LSM14A: variants seen among roughly 807,000 people sequenced by gnomAD.
The protein encoded by LSM14A is LSM14A mRNA processing body assembly factor.
A neutral mutation model predicts 52.4 loss-of-function variants in LSM14A; 14 were observed. The ratio of observed to expected loss-of-function variants is 0.27; its 90% confidence interval spans 0.18 to 0.42. The LOEUF is 0.42. Ranked by LOEUF, LSM14A falls within the 10% of genes least tolerant of loss-of-function variation. LSM14A has a pLI of 1.00. For synonymous variants in LSM14A, 185 were observed against 200.3 expected (o/e 0.92, Z 0.64); for missense variants, 417 against 581.8 (o/e 0.72, Z 2.91).
At chr19:34,210,787 G>A (rs2072081297) in intron 4 of LSM14A, among the ~76,000 whole-genome samples, 1 of 150,968 alleles carries the variant, frequency 6.6e-6, no homozygotes, top group African/African-American at 2.4e-5. Context: ...GCCAAGGCTG[G>A]TCTGGAACTC....
chr19:34,186,221 G>A (rs998196850), intron 1 of LSM14A, among the ~76,000 whole-genome samples: 5 of 152,236 alleles, frequency 3.3e-5, no homozygotes, highest in Non-Finnish European at 7.3e-5. Context: ...ATGCTGTGTG[G>A]TTTTCAAAGG....
chr19:34,196,008 G>T (rs2070809524), intron 2 of LSM14A, among the ~76,000 whole-genome samples: 1 of 152,134 alleles, frequency 6.6e-6, no homozygotes. Context: ...TGTCCTGGTA[G>T]CCTTTAATAC....
At chr19:34,226,414 A>AATC in intron 9 of LSM14A, 1 of 1,422,402 alleles carries the variant, frequency 7.0e-7, no homozygotes, top group Non-Finnish European at 9.2e-7. Context: ...TCAGAAAACC[A>AATC]CAGCTTTTGG....
chr19:34,210,355 C>T (rs187401801), intron 4 of LSM14A, among the ~76,000 whole-genome samples: 1 of 151,446 alleles, frequency 6.6e-6, no homozygotes, highest in Admixed American at 6.6e-5. Flanking sequence ...CTGCAACCTC[C>T]ACCTCCCAGG....
At chr19:34,202,449 C>T (rs368651269) in intron 3 of LSM14A, among the ~76,000 whole-genome samples, 20 of 149,692 alleles carry the variant, frequency 1.3e-4, no homozygotes, top group Admixed American at 4.0e-4. Context: ...ACCAAGAGCA[C>T]GCCACTGCAC....
At chr19:34,220,092 C>T (rs2072949492) in intron 8 of LSM14A, among the ~76,000 whole-genome samples, 1 of 152,090 alleles carries the variant, frequency 6.6e-6, no homozygotes, top group Non-Finnish European at 1.5e-5. Context: ...ATCTCAGCCT[C>T]AGTAAAGGGG....
rs1042168049 is a variant in LSM14A, at chr19:34,207,338, C to T, written c.416-1591C>T. The stretch of plus-strand genomic sequence containing the variant: ...ATGTCTTGGTCATCACCCAGGAATA[C>T]TAGAAATAACTGGATGGGTTCTACT... On this transcript the variant is annotated intron_variant, in intron 3 of 9. Transcript: ENST00000544216. Among the ~76,000 whole-genome samples, 10 of 152,186 alleles carry T rather than the reference C, an allele frequency of 6.6e-5. No individual in the cohort carries two copies. The East Asian group carries it at 1.9e-3, about 29-fold the overall frequency.
rs767196972 is a variant in LSM14A at position 34,174,321 on chromosome 19, C to G, written c.121+1558C>G. ...CTGGGTAGGGAACCTTTTGATGTTA[C>G]AGAACTGTACACCATAAAGGAGTAG... On this transcript the variant is annotated intron_variant, in intron 1 of 9. Transcript: ENST00000544216. Among the ~76,000 whole-genome samples the G allele has an allele frequency of 4.6e-5, 7 of 152,198 alleles. No homozygotes were observed. In the South Asian group the frequency reaches 6.2e-4, roughly 13 times the overall value.
rs371893444 is a variant in LSM14A, at chr19:34,197,709, G to A, written c.415+946G>A. On this transcript the variant is annotated intron_variant, in intron 3 of 9. Transcript: ENST00000544216. ...ACCCACCTCAGCCTCCCGAAGTGCT[G>A]GGATTACAGGCGTGAGCCACCAAGC... 9.9e-5 allele frequency among the ~76,000 whole-genome samples: 15 copies of A among 151,872 alleles called. No individual in the cohort carries two copies. The East Asian group carries it at 1.5e-3, about 16-fold the overall frequency.
chr19:34,229,096 G>T lies in LSM14A; in HGVS notation c.*1708G>T, dbSNP rs969983644. On this transcript the variant is annotated 3_prime_UTR_variant, in exon 10 of 10. Transcript: ENST00000544216. ...TGGAGATGTCCCGGGCCAATTTCAA[G>T]AAAGAAAACTGTAAATACTAGTTCT... 1 of 152,174 alleles carries T rather than the reference G, an allele frequency of 6.6e-6. No homozygotes were observed. Among genetic ancestry groups the T allele is most frequent in the Non-Finnish European group, 1.5e-5 (1 of 68,032 alleles). 9.4% of individuals were successfully genotyped at this position (152,174 alleles called of 1,614,324 possible).
chr19:34,194,639 C>G lies in LSM14A; in HGVS notation c.283C>G (p.Gln95Glu). The change falls in exon 2 of 10, where the codon CAG becomes GAG. Residue 95 changes from glutamine (Q) to glutamate (E), a missense_variant and splice_region_variant. Transcript: ENST00000544216. ...CSLPQDPAIVQSSLGSSTSSF... is the reference protein window; with the variant it reads ...CSLPQDPAIVESSLGSSTSSF... Reference sequence around the variant, plus strand: ...TTTGCCTCAAGACCCAGCTATTGTTCAGGTAACTGATGGTAAATTTGTCTT... The same window carrying G: ...TTTGCCTCAAGACCCAGCTATTGTTGAGGTAACTGATGGTAAATTTGTCTT... The G allele has an allele frequency of 6.2e-7, 1 of 1,614,130 alleles. No homozygotes were observed. The highest frequency in any genetic ancestry group is 8.5e-7 in the Non-Finnish European group (1 of 1,179,990).
At chr19:34,226,815 A>C (rs781157811) in intron 9 of LSM14A, among the ~76,000 whole-genome samples, 9 of 152,198 alleles carry the variant, frequency 5.9e-5, no homozygotes, top group Non-Finnish European at 8.8e-5. Context: ...GTTACTTTTT[A>C]AAAATTCCCC....
At chr19:34,176,663 C>A (rs994232545) in intron 1 of LSM14A, among the ~76,000 whole-genome samples, 3 of 151,916 alleles carry the variant, frequency 2.0e-5, no homozygotes, top group African/African-American at 7.3e-5. Flanking sequence ...AAGTTTATTC[C>A]TTCTGCCATT....
intron 3 of LSM14A, 75 bp from the exon 4 acceptor site, chr19:34,208,854 T>C (rs138594939): frequency 2.2e-4 from 211 of 972,700 alleles, no homozygotes; most frequent in Non-Finnish European, 3.0e-4. Context: ...ATTAAAATGC[T>C]GCATTACTTT....
At chr19:34,217,779 T>C (rs1015425091) in intron 6 of LSM14A, among the ~76,000 whole-genome samples, 1 of 150,176 alleles carries the variant, frequency 6.7e-6, no homozygotes, top group East Asian at 2.0e-4. Context: ...ACATATGCCA[T>C]GGAATACAGA....
At chr19:34,177,144 C>T (rs1313792587) in intron 1 of LSM14A, among the ~76,000 whole-genome samples, 1 of 152,074 alleles carries the variant, frequency 6.6e-6, no homozygotes, top group Non-Finnish European at 1.5e-5. Flanking sequence ...CTGAATATAT[C>T]TCCATTGTTG....
At chr19:34,196,854 T>C (rs2070878542) in intron 3 of LSM14A, 91 bp downstream of exon 3, 2 of 1,040,330 alleles carry the variant, frequency 1.9e-6, no homozygotes, top group South Asian at 3.7e-5. Flanking sequence ...CTATTAGAAA[T>C]GTTGTTTGAT....
At position 34,182,148 on chromosome 19, in the gene LSM14A, A is replaced by G. The variant is rs542755814; in HGVS notation, c.121+9385A>G. ...CTCAGATTCCTGTTTCTTGTTTCCA[A>G]TATTGACCTCTCAGTTGATTCTTTC... is the stretch of plus-strand genomic sequence containing the variant. On this transcript the variant is annotated intron_variant, in intron 1 of 9. Coordinates refer to ENST00000544216, the MANE Select transcript of LSM14A (RefSeq NM_015578.4). 5.9e-5 allele frequency among the ~76,000 whole-genome samples: 9 copies of G among 152,244 alleles called. No individual in the cohort carries two copies. The South Asian group carries it at 1.2e-3, about 21-fold the overall frequency.
chr19:34,220,420 C>G (rs1011046430), intron 8 of LSM14A, among the ~76,000 whole-genome samples: 3 of 152,080 alleles, frequency 2.0e-5, no homozygotes, highest in African/African-American at 7.2e-5. Flanking sequence ...TAAGTAGGAC[C>G]TTTTTTTCAC....
Sources: allele counts gnomAD v4.1 joint callset (sites outside exome capture counted in the v4.1 genomes callset), GRCh38; gene constraint gnomAD v4.1.1; transcripts MANE v1.5; gene names NCBI Gene and HGNC (gene_info 2026-07-23, HGNC 2026-07-21).